The following CDK20 variants were observed in gnomAD, a reference collection of about 807,000 sequenced individuals.
The protein encoded by CDK20 is cyclin-dependent kinase 20.
In CDK20, 40 loss-of-function variants were observed where a neutral mutation model predicts 38.6. The observed-to-expected ratio is 1.04, with a 90% CI of 0.81 to 1.35. The LOEUF is 1.35. CDK20 is among the 40% of genes most tolerant of loss of function. CDK20 has a pLI of 0.00. For synonymous variants in CDK20, 209 were observed against 185.7 expected (o/e 1.13, Z -1.02); for missense variants, 512 against 452.6 (o/e 1.13, Z -1.19).
In CDK20 at chr9:87,969,278, C is replaced by T. The variant is rs769602867; in HGVS notation, c.759G>A (p.Val253=). 1.2e-6 allele frequency: 2 copies of T among 1,613,970 alleles called. No individual in the cohort carries two copies. Among genetic ancestry groups the T allele is most frequent in the Non-Finnish European group, 1.7e-6 (2 of 1,179,924 alleles). ...KEQVPMPLEE[V]LPDVSPQALD... ...ATGCCTGGGGAGAGACGTCAGGCAG[C>T]ACCTCCTCCAGGGGCATGGGCACCT... The change falls in exon 7 of 8, where the codon GTG becomes GTA. Residue 253 remains valine, a synonymous_variant. Transcript: ENST00000325303.
intron 5 of CDK20, 69 bp downstream of exon 5, chr9:87,970,497 GCT>G: frequency 7.0e-7 from 1 of 1,422,246 alleles, no homozygotes; most frequent in East Asian, 2.4e-5. Context: ...CCACCAAACA[GCT>G]CAGAGACCTC....
intron 6 of CDK20, 22 bp from the exon 7 acceptor site, chr9:87,969,371 G>A (rs770551271): frequency 6.2e-7 from 1 of 1,612,552 alleles, no homozygotes; most frequent in East Asian, 2.2e-5. Flanking sequence ...AGAAGGAACA[G>A]GGTACAATGA....
chr9:87,972,966 C>A (rs552518512), intron 2 of CDK20, among the ~76,000 whole-genome samples: 27 of 152,234 alleles, frequency 1.8e-4, no homozygotes, highest in African/African-American at 6.5e-4. Context: ...AGAAAAAGAA[C>A]AAAAGAAAAA....
intron 4 of CDK20, 46 bp from the exon 5 acceptor site, chr9:87,970,676 C>T (rs756013492): frequency 5.0e-6 from 8 of 1,613,422 alleles, no homozygotes; most frequent in South Asian, 4.4e-5. Flanking sequence ...AAAAGGATGC[C>T]TGGGGAGGTG....
Position 87,967,665 on chromosome 9 carries a change from G to C in CDK20, c.844-6C>G, listed in dbSNP as rs1209892132. The C allele has an allele frequency of 1.4e-6, 2 of 1,466,196 alleles. No individual in the cohort carries two copies. The highest frequency in any genetic ancestry group is 5.3e-5 in the Admixed American group (2 of 37,988). 90.8% of individuals were successfully genotyped at this position (1,466,196 alleles called of 1,614,324 possible). On this transcript the variant is annotated splice_polypyrimidine_tract_variant and splice_region_variant and intron_variant, in intron 7 of 7. Transcript: ENST00000325303. Reference sequence around the variant, plus strand: ...AAGTACTGATGGAGGAGAGCCTGAGGGTGGCAAGTAAGGAACAGCAGAAGG... The same window carrying C: ...AAGTACTGATGGAGGAGAGCCTGAGCGTGGCAAGTAAGGAACAGCAGAAGG...
chr9:87,968,518 G>C (rs750436516), intron 7 of CDK20: 1 of 152,496 alleles, frequency 6.6e-6, no homozygotes, highest in African/African-American at 2.4e-5. Flanking sequence ...TGTGGTCATC[G>C]TCCTCCCAGG....
intron 7 of CDK20, chr9:87,968,380 C>CA (rs1029940533): frequency 6.6e-6 from 1 of 152,394 alleles, no homozygotes; most frequent in Non-Finnish European, 1.5e-5. Flanking sequence ...ACTGTGGACA[C>CA]AGAGCCCACA....
Position 87,967,450 on chromosome 9 carries a change from A to G in CDK20, c.*12T>C. 1.3e-6 allele frequency: 2 copies of G among 1,552,776 alleles called. No homozygotes were observed. Among genetic ancestry groups the G allele is most frequent in the Non-Finnish European group, 1.7e-6 (2 of 1,147,620 alleles). On this transcript the variant is annotated 3_prime_UTR_variant, in exon 8 of 8. Transcript: ENST00000325303. ...TCCTGAGGAGCAGGCAGACGGGACCAGGGCCAACTTCTCACCCCTCCAGGA... is the reference window on the plus strand; with the variant it reads ...TCCTGAGGAGCAGGCAGACGGGACCGGGGCCAACTTCTCACCCCTCCAGGA...
rs968997251 is a variant in CDK20 at position 87,970,070 on chromosome 9, A to G, written c.564-151T>C. On this transcript the variant is annotated intron_variant, in intron 5 of 7. Transcript: ENST00000325303. ...CAGAGGCCCAGTCCCTGAACCCTCA[A>G]AGCCCTCAACCCTAGAACCCAGAGC... The G allele has an allele frequency of 5.9e-6, 5 of 850,564 alleles. No homozygotes were observed. In the African/African-American group the frequency reaches 7.1e-5, roughly 12 times the overall value. 52.7% of individuals were successfully genotyped at this position (850,564 alleles called of 1,614,324 possible).
chr9:87,971,167 C>T lies in CDK20; in HGVS notation c.358G>A (p.Ala120Thr), dbSNP rs1829826894. The T allele has an allele frequency of 8.1e-6, 13 of 1,614,096 alleles. No individual in the cohort carries two copies. The highest frequency in any genetic ancestry group is 1.1e-5 in the Non-Finnish European group (13 of 1,179,966). The part of the protein sequence containing the change: ...MLLKGVAFCH[A>T]NNIVHRDLKP... ...CTGACCCGATGTACAATGTTGTTGG[C>T]ATGGCAGAAGGCGACACCCTTGAGC... Residue 120 changes from alanine to threonine, a missense_variant, in exon 3 of 8, where the codon GCC becomes ACC. By Grantham distance (58) the Ala-to-Thr change is moderately conservative (BLOSUM62 0). Transcript: ENST00000325303.
chr9:87,969,754 T>C, intron 6 of CDK20, 42 bp downstream of exon 6: 1 of 1,611,352 alleles, frequency 6.2e-7, no homozygotes, highest in Non-Finnish European at 8.5e-7. Flanking sequence ...GGGAGTGGAG[T>C]AAACCTGCCC....
Position 87,967,311 on chromosome 9 carries a change from G to T in CDK20, c.*151C>A. 1 of 797,784 alleles carries T rather than the reference G, an allele frequency of 1.3e-6. No homozygotes were observed. 49.4% of individuals were successfully genotyped at this position (797,784 alleles called of 1,614,324 possible). On this transcript the variant is annotated 3_prime_UTR_variant, in exon 8 of 8. Transcript: ENST00000325303. ...GCTGGGAACATGACCTCTGCCTCGA[G>T]ACCAACCCTCGCAAGGGCTAAGGGG...
chr9:87,973,438 A>G (rs974533148), intron 2 of CDK20, among the ~76,000 whole-genome samples: 10 of 150,756 alleles, frequency 6.6e-5, no homozygotes, highest in East Asian at 5.8e-4. Flanking sequence ...TGGACTCTCA[A>G]TCAAACCTGG....
chr9:87,969,099 G>A, intron 7 of CDK20, 95 bp downstream of exon 7: 7 of 1,407,692 alleles, frequency 5.0e-6, no homozygotes, highest in South Asian at 2.6e-5. Flanking sequence ...TCTGAGGGTC[G>A]CTGATGTGAT....
In CDK20 at chr9:87,971,291, C is replaced by T. The variant is rs140703002; in HGVS notation, c.234G>A (p.Val78=). Residue 78 remains valine, a synonymous_variant, in exon 3 of 8, where the codon GTG becomes GTA. Transcript: ENST00000325303. ...CCGACAGCATGAACTCAAAGGCCAG[C>T]ACAAAGCCTCCACCGTGTGGGAACA... is the stretch of plus-strand genomic sequence containing the variant. ...KAVFPHGGGF[V]LAFEFMLSDL... 3.1e-6 allele frequency: 5 copies of T among 1,613,866 alleles called. No individual in the cohort carries two copies. Among genetic ancestry groups the T allele is most frequent in the Non-Finnish European group, 4.2e-6 (5 of 1,179,960 alleles).
chr9:87,972,410 G>A (rs1433853969), intron 2 of CDK20, among the ~76,000 whole-genome samples: 1 of 152,160 alleles, frequency 6.6e-6, no homozygotes, highest in African/African-American at 2.4e-5. Context: ...GAGTACATGA[G>A]ATTGTTTAAG....
At chr9:87,973,146 C>T (rs1349625526) in intron 2 of CDK20, among the ~76,000 whole-genome samples, 1 of 152,186 alleles carries the variant, frequency 6.6e-6, no homozygotes, top group Non-Finnish European at 1.5e-5. Context: ...CACAGAGACC[C>T]AACCCTGTTA....
At position 87,966,807 on chromosome 9, in the gene CDK20, A is replaced by G; in HGVS notation, c.*655T>C. On this transcript the variant is annotated 3_prime_UTR_variant, in exon 8 of 8. Coordinates refer to ENST00000325303, the MANE Select transcript of CDK20 (RefSeq NM_001039803.3). Reference sequence around the variant, plus strand: ...CTAGACTTCTGTCTCCCTCACTTCTAAATGAGTGCTCAGTGATGTGAAGTA... The same window carrying G: ...CTAGACTTCTGTCTCCCTCACTTCTGAATGAGTGCTCAGTGATGTGAAGTA... 5.7e-6 allele frequency: 2 copies of G among 349,618 alleles called. No individual in the cohort carries two copies. The highest frequency in any genetic ancestry group is 4.4e-5 in the South Asian group (2 of 45,182). 21.7% of individuals were successfully genotyped at this position (349,618 alleles called of 1,614,324 possible).
intron 2 of CDK20, 79 bp downstream of exon 2, chr9:87,973,843 A>G (rs914724291): frequency 2.1e-6 from 3 of 1,441,840 alleles, no homozygotes; most frequent in Admixed American, 1.8e-5. Flanking sequence ...GTGAAGGCGT[A>G]GCTGGGAAAA....
Sources: allele counts gnomAD v4.1 joint callset (sites outside exome capture counted in the v4.1 genomes callset), GRCh38; gene constraint gnomAD v4.1.1; transcripts MANE v1.5; gene names NCBI Gene and HGNC (gene_info 2026-07-23, HGNC 2026-07-21).